Variants in FAT4 observed in about 807,000 individuals in gnomAD.
FAT4 encodes the protein FAT atypical cadherin 4.
A neutral mutation model predicts 303.9 loss-of-function variants in FAT4; 84 were observed. That is an observed-to-expected ratio of 0.28 (90% CI 0.23 to 0.33). The LOEUF (loss-of-function observed/expected upper bound fraction) is 0.33. FAT4 is among the 10% of genes least tolerant of loss of function. The pLI is 1.00. For synonymous variants in FAT4, 2,307 were observed against 2,298.8 expected (o/e 1.00, Z -0.10); for missense variants, 6,005 against 6,146.8 (o/e 0.98, Z 0.77).
intron 12 of FAT4, among the ~76,000 whole-genome samples, chr4:125,473,016 T>A (rs1300739602): frequency 6.6e-6 from 1 of 152,188 alleles, no homozygotes; most frequent in Admixed American, 6.5e-5. Flanking sequence ...CTGGAACATT[T>A]TTCTAATATA....
rs1409294373 is a variant in FAT4, at chr4:125,449,221, A to T, written c.8211A>T (p.Lys2737Asn). ...GCGTTAGACCTTTGGACAGGGAAAA[A>T]GTATCTCATTATGTCCTAACCATAA... is the stretch of plus-strand genomic sequence containing the variant. ...IRSVRPLDRE[K>N]VSHYVLTIKS... The change falls in exon 10 of 18, where the codon AAA becomes AAT. Residue 2737 changes from lysine to asparagine, a missense_variant. Lys to Asn is a moderately conservative substitution (Grantham distance 94). Coordinates refer to ENST00000394329, the MANE Select transcript of FAT4 (RefSeq NM_001291303.3). 6 of 1,613,846 alleles carry T rather than the reference A, an allele frequency of 3.7e-6. No homozygotes were observed. The highest frequency in any genetic ancestry group is 5.1e-6 in the Non-Finnish European group (6 of 1,179,914).
chr4:125,453,040 A>G (rs1194390263), intron 10 of FAT4, among the ~76,000 whole-genome samples: 1 of 152,230 alleles, frequency 6.6e-6, no homozygotes, highest in Admixed American at 6.5e-5. Context: ...CAGTTTCTAT[A>G]GGCAAGGAAG....
In FAT4 at chr4:125,319,269, G is replaced by T. The variant is rs371993123; in HGVS notation, c.2858G>T (p.Gly953Val). ...NEKNGTISLL[G>V]PLDVHAGSYQ... is the part of the protein sequence containing the mutation. ...AAGAATGGCACTATTAGTCTGCTTG[G>T]GCCCCTGGATGTTCATGCTGGCTCC... The change falls in exon 2 of 18, where the codon GGG becomes GTG. Residue 953 changes from glycine (G) to valine (V), a missense_variant. Gly to Val is a moderately radical substitution (Grantham distance 109, BLOSUM62 -3). Coordinates refer to ENST00000394329, the MANE Select transcript of FAT4 (RefSeq NM_001291303.3). 37 of 1,613,958 alleles carry T rather than the reference G, an allele frequency of 2.3e-5. 1 individual carries two copies. The highest frequency in any genetic ancestry group is 3.3e-4 in the Middle Eastern group (2 of 6,084).
intron 16 of FAT4, among the ~76,000 whole-genome samples, chr4:125,485,116 A>C (rs1395238): frequency 6.6e-6 from 1 of 151,964 alleles, no homozygotes; most frequent in Non-Finnish European, 1.5e-5. Flanking sequence ...TCTGAGTCAG[A>C]GAGTCATTAA....
In FAT4 at chr4:125,448,774, C is replaced by T; in HGVS notation, c.7764C>T (p.Val2588=). Residue 2588 remains valine (V), a synonymous_variant, in exon 10 of 18, where the codon GTC becomes GTT. Transcript: ENST00000394329. ...FPENQPVSSL[V]TTITGSSLRG... ...AAAACCAACCAGTCAGCTCTCTTGT[C>T]ACCACCATCACAGGATCCTCTTTAA... 2 of 1,611,862 alleles carry T rather than the reference C, an allele frequency of 1.2e-6. No individual in the cohort carries two copies. The highest frequency in any genetic ancestry group is 1.7e-6 in the Non-Finnish European group (2 of 1,179,876).
chr4:125,370,436 T>C (rs1268589506), intron 2 of FAT4, among the ~76,000 whole-genome samples: 1 of 152,152 alleles, frequency 6.6e-6, no homozygotes, highest in African/African-American at 2.4e-5. Context: ...CCCTACACAG[T>C]GCATGGCATA....
intron 2 of FAT4, among the ~76,000 whole-genome samples, chr4:125,389,532 T>C (rs923191084): frequency 6.6e-6 from 1 of 152,186 alleles, no homozygotes; most frequent in Admixed American, 6.5e-5. Context: ...AAGTAGAGTT[T>C]GGGCCTGCAA....
chr4:125,435,060 A>C (rs1725406353), intron 8 of FAT4, among the ~76,000 whole-genome samples: 1 of 152,220 alleles, frequency 6.6e-6, no homozygotes, highest in Non-Finnish European at 1.5e-5. Context: ...TTGATTGGAG[A>C]AATGTCAAAG....
intron 2 of FAT4, among the ~76,000 whole-genome samples, chr4:125,390,709 T>G (rs1733945857): frequency 6.6e-6 from 1 of 152,194 alleles, no homozygotes; most frequent in Non-Finnish European, 1.5e-5. Flanking sequence ...TCAGTTATTC[T>G]TCCAGGTTTA....
In FAT4 at chr4:125,438,379, A is replaced by G. The variant is rs889353857; in HGVS notation, c.7199+3954A>G. On this transcript the variant is annotated intron_variant, in intron 8 of 17. Coordinates refer to ENST00000394329, the MANE Select transcript of FAT4 (RefSeq NM_001291303.3). The stretch of plus-strand genomic sequence containing the variant: ...AATTTGGTCTAGAAAAATTGTATTC[A>G]TACTCTCAAACTGTTTTACAAAGCT... Among the ~76,000 whole-genome samples the G allele has an allele frequency of 3.3e-5, 5 of 152,110 alleles. No homozygotes were observed. In the East Asian group the frequency reaches 9.6e-4, roughly 29 times the overall value.
intron 2 of FAT4, chr4:125,394,046 G>T (rs528718645): frequency 3.2e-5 from 25 of 769,756 alleles, no homozygotes; most frequent in South Asian, 3.0e-4. Flanking sequence ...TCTTCTAATT[G>T]TAGCAGATGA....
intron 2 of FAT4, among the ~76,000 whole-genome samples, chr4:125,368,674 C>T (rs1363346265): frequency 6.6e-6 from 1 of 151,516 alleles, no homozygotes; most frequent in African/African-American, 2.4e-5. Flanking sequence ...ACACACATGA[C>T]ATCTGGCAAT....
chr4:125,317,591 A>G lies in FAT4; in HGVS notation c.1180A>G (p.Ile394Val). 6.2e-7 allele frequency: 1 copy of G among 1,613,468 alleles called. No individual in the cohort carries two copies. The highest frequency in any genetic ancestry group is 8.5e-7 in the Non-Finnish European group (1 of 1,179,844). ...AGATTCTCCCGCGGCCAACGGGAACATCTCCGTGCAAATTCTCGGGGGCAA... is the reference window on the plus strand; with the variant it reads ...AGATTCTCCCGCGGCCAACGGGAACGTCTCCGTGCAAATTCTCGGGGGCAA... The part of the protein sequence containing the change: ...DADSPAANGN[I>V]SVQILGGNEQ... Residue 394 changes from isoleucine to valine, a missense_variant, in exon 2 of 18, where the codon ATC (isoleucine) becomes GTC (valine). Transcript: ENST00000394329. This position sits in a 1 kb window ranked among gnomAD's most constrained non-coding sequence, Gnocchi z 7.0.
chr4:125,379,775 A>G (rs1274528197), intron 2 of FAT4, among the ~76,000 whole-genome samples: 2 of 149,868 alleles, frequency 1.3e-5, no homozygotes, highest in Non-Finnish European at 3.0e-5. Flanking sequence ...TTGATATTTA[A>G]CTCTTTCTTA....
chr4:125,353,968 G>C (rs1450277730), intron 2 of FAT4, among the ~76,000 whole-genome samples: 1 of 151,682 alleles, frequency 6.6e-6, no homozygotes, highest in African/African-American at 2.4e-5. Context: ...AATCGCATGA[G>C]TAGACAGATG....
intron 2 of FAT4, among the ~76,000 whole-genome samples, chr4:125,367,063 G>A (rs532413179): frequency 4.1e-4 from 63 of 152,120 alleles, no homozygotes; most frequent in African/African-American, 1.5e-3. Flanking sequence ...TGTTCACTCT[G>A]TTGATAGTTT....
intron 8 of FAT4, 84 bp from the exon 9 acceptor site, chr4:125,446,209 C>G: frequency 8.5e-7 from 1 of 1,178,058 alleles, no homozygotes; most frequent in Non-Finnish European, 1.2e-6. Context: ...TCTTGCATTT[C>G]TACCTCAGTT....
At chr4:125,400,059 A>G (rs1205438123) in intron 3 of FAT4, among the ~76,000 whole-genome samples, 1 of 151,970 alleles carries the variant, frequency 6.6e-6, no homozygotes, top group African/African-American at 2.4e-5. Context: ...AGCAGCAATA[A>G]CAAAAAACTC....
chr4:125,365,605 T>G (rs1173545142), intron 2 of FAT4, among the ~76,000 whole-genome samples: 1 of 152,172 alleles, frequency 6.6e-6, no homozygotes, highest in African/African-American at 2.4e-5. Flanking sequence ...GCCAGGAGAT[T>G]CATAGACTAT....
Sources: gnomAD v4.1 joint callset for allele counts (sites outside exome capture counted in the v4.1 genomes callset) on GRCh38, gnomAD v4.1.1 for gene constraint, Gnocchi (gnomAD v3.1) non-coding constraint, MANE v1.5 for transcripts, NCBI Gene and HGNC (gene_info 2026-07-23, HGNC 2026-07-21) for gene names.